Variants in CDC73 observed in about 807,000 individuals in gnomAD.
The protein encoded by CDC73 is cell division cycle 73, also known as parafibromin.
In CDC73, 21 loss-of-function variants were observed where a neutral mutation model predicts 83.7. That is an observed-to-expected ratio of 0.25 (90% CI 0.18 to 0.36). The LOEUF is 0.36. Ranked by LOEUF, CDC73 falls within the 10% of genes least tolerant of loss-of-function variation. The pLI is 1.00. For missense variants in CDC73, 342 were observed against 653.3 expected (o/e 0.52, Z 5.19); for synonymous variants, 224 against 212.9 (o/e 1.05, Z -0.45).
intron 7 of CDC73, among the ~76,000 whole-genome samples, chr1:193,143,875 C>T (rs749652204): frequency 9.2e-5 from 14 of 152,002 alleles, no homozygotes; most frequent in Non-Finnish European, 1.5e-4. Flanking sequence ...TTTGGGAAGT[C>T]GAGGTGGGTG....
intron 9 of CDC73, 73 bp from the exon 10 acceptor site, chr1:193,152,307 A>G (rs528066053): frequency 2.2e-6 from 2 of 907,206 alleles, no homozygotes; most frequent in East Asian, 5.0e-5. Flanking sequence ...GTAGATTATT[A>G]CTTTAGATTT....
At chr1:193,144,961 A>G (rs1675971142) in intron 7 of CDC73, among the ~76,000 whole-genome samples, 1 of 152,106 alleles carries the variant, frequency 6.6e-6, no homozygotes, top group African/African-American at 2.4e-5. Flanking sequence ...TCACCATAAC[A>G]CTTTTCTAAT....
At chr1:193,177,614 T>TA (rs1676631675) in intron 10 of CDC73, among the ~76,000 whole-genome samples, 1 of 152,090 alleles carries the variant, frequency 6.6e-6, no homozygotes, top group Non-Finnish European at 1.5e-5. Context: ...TTTAACCTCT[T>TA]ACACGAGTCC....
At chr1:193,154,441 G>A (rs772548908) in intron 10 of CDC73, among the ~76,000 whole-genome samples, 1 of 151,994 alleles carries the variant, frequency 6.6e-6, no homozygotes, top group East Asian at 1.9e-4. Context: ...GTGATTCTGC[G>A]GCATCATCAG....
intron 10 of CDC73, among the ~76,000 whole-genome samples, chr1:193,183,353 A>G (rs925472875): frequency 6.7e-6 from 1 of 150,330 alleles, no homozygotes; most frequent in Non-Finnish European, 1.5e-5. Context: ...TAAAATGTAA[A>G]AAAATTAAGC....
intron 13 of CDC73, among the ~76,000 whole-genome samples, chr1:193,230,731 CATT>C (rs1448059849): frequency 6.6e-6 from 1 of 151,998 alleles, no homozygotes; most frequent in African/African-American, 2.4e-5. Flanking sequence ...AGCTCACAAT[CATT>C]GTGTCTTAGA....
chr1:193,150,354 C>A lies in CDC73; in HGVS notation c.879C>A (p.Tyr293Ter). 2 of 1,612,646 alleles carry A rather than the reference C, an allele frequency of 1.2e-6. No homozygotes were observed. The highest frequency in any genetic ancestry group is 1.7e-6 in the Non-Finnish European group (2 of 1,178,716). Reference protein sequence around the residue: ...KQPIPAAYNRYDQERFKGKEE... With the variant: ...KQPIPAAYNR Reference sequence around the variant, plus strand: ...CTATCCCAGCTGCCTATAACAGATACGATCAGGAAAGATTCAAAGGAAAAG... The same window carrying A: ...CTATCCCAGCTGCCTATAACAGATAAGATCAGGAAAGATTCAAAGGAAAAG... Residue 293 changes from tyrosine (Y) to a stop codon, truncating the protein, a stop_gained, in exon 9 of 17, where the codon TAC becomes TAA. Transcript: ENST00000367435. LOFTEE classifies it high-confidence loss of function.
intron 1 of CDC73, among the ~76,000 whole-genome samples, chr1:193,123,658 G>A (rs1480792492): frequency 6.6e-6 from 1 of 150,468 alleles, no homozygotes. Flanking sequence ...CATGTGGTTG[G>A]ATTTTTAGTG....
At chr1:193,201,925 CTA>C (rs1404029734) in intron 10 of CDC73, among the ~76,000 whole-genome samples, 1 of 151,720 alleles carries the variant, frequency 6.6e-6, no homozygotes, top group African/African-American at 2.4e-5. Flanking sequence ...TTAGGCCACT[CTA>C]TTCCAAAAAA....
chr1:193,172,237 C>CTTT (rs36004862), intron 10 of CDC73, among the ~76,000 whole-genome samples: 27 of 134,368 alleles, frequency 2.0e-4, no homozygotes, highest in Middle Eastern at 3.9e-3. Flanking sequence ...TTTTTGGTAC[C>CTTT]TTTTTTTTTT....
chr1:193,243,055 C>G (rs1192019053), intron 15 of CDC73, among the ~76,000 whole-genome samples: 6 of 151,828 alleles, frequency 4.0e-5, no homozygotes, highest in Admixed American at 2.6e-4. Flanking sequence ...AAGCAGTTCC[C>G]CTGCCTCAGC....
intron 10 of CDC73, among the ~76,000 whole-genome samples, chr1:193,170,451 GC>G (rs1471723518): frequency 1.3e-5 from 2 of 152,004 alleles, no homozygotes; most frequent in African/African-American, 2.4e-5. Context: ...AACTTTGCCA[GC>G]ATCTTGTTTT....
rs1676085162 is a variant in CDC73 at position 193,150,415 on chromosome 1, G to A, written c.907+33G>A. 3 of 1,457,152 alleles carry A rather than the reference G, an allele frequency of 2.1e-6. No individual in the cohort carries two copies. In the East Asian group the frequency reaches 6.8e-5, roughly 33 times the overall value. 90.3% of individuals were successfully genotyped at this position (1,457,152 alleles called of 1,614,324 possible). A position where few individuals can be genotyped will look rare whatever the true frequency, so the allele number is the denominator to read the frequency against. On this transcript the variant is annotated intron_variant, in intron 9 of 16. Transcript: ENST00000367435. ...GCTTAATTCTTATCTTCCCCTTAGT[G>A]TGGTTGTGTTGAACTTGAGAGGCAG... is the stretch of plus-strand genomic sequence containing the variant.
chr1:193,132,462 T>TG (rs1348708487), intron 3 of CDC73, among the ~76,000 whole-genome samples: 1 of 151,936 alleles, frequency 6.6e-6, no homozygotes, highest in Non-Finnish European at 1.5e-5. Context: ...AGGATGGAGT[T>TG]GGGGAGGATA....
intron 2 of CDC73, among the ~76,000 whole-genome samples, chr1:193,128,365 C>G (rs1416534657): frequency 6.6e-6 from 1 of 152,030 alleles, no homozygotes; most frequent in Non-Finnish European, 1.5e-5. Flanking sequence ...AGGATCTTGG[C>G]TTGCCACAGC....
intron 10 of CDC73, among the ~76,000 whole-genome samples, chr1:193,189,415 A>G (rs1335028312): frequency 1.3e-5 from 2 of 152,224 alleles, no homozygotes; most frequent in African/African-American, 2.4e-5. Context: ...GAGAGCTTGT[A>G]GAAGTTCTTC....
chr1:193,233,197 C>T lies in CDC73; in HGVS notation c.1316+43C>T, dbSNP rs761297204. The T allele has an allele frequency of 2.0e-6, 3 of 1,532,752 alleles. No individual in the cohort carries two copies. In the Admixed American group the frequency reaches 5.0e-5, roughly 26 times the overall value. 94.9% of individuals were successfully genotyped at this position (1,532,752 alleles called of 1,614,324 possible). A position where few individuals can be genotyped will look rare whatever the true frequency, so the allele number is the denominator to read the frequency against. On this transcript the variant is annotated intron_variant, in intron 14 of 16. Coordinates refer to ENST00000367435, the MANE Select transcript of CDC73 (RefSeq NM_024529.5). ...TATATATCTTTTCACAGGTGTTGAA[C>T]CCAAGAGAATGAATGTTGTTATTGC...
intron 8 of CDC73, among the ~76,000 whole-genome samples, chr1:193,149,011 T>C (rs1053507410): frequency 6.6e-6 from 1 of 152,222 alleles, no homozygotes; most frequent in African/African-American, 2.4e-5. Flanking sequence ...GTAGTAGTTT[T>C]ATTTGCTCAT....
At chr1:193,173,134 C>T (rs537039086) in intron 10 of CDC73, among the ~76,000 whole-genome samples, 4 of 152,304 alleles carry the variant, frequency 2.6e-5, no homozygotes, top group African/African-American at 7.2e-5. Context: ...CTGGTTTGCT[C>T]TCTGCAGGTT....
Sources: allele counts gnomAD v4.1 joint callset (sites outside exome capture counted in the v4.1 genomes callset), GRCh38; gene constraint gnomAD v4.1.1; transcripts MANE v1.5; gene names NCBI Gene and HGNC (gene_info 2026-07-23, HGNC 2026-07-21).